TIAM1: variants seen among roughly 807,000 people sequenced by gnomAD.
The protein encoded by TIAM1 is rho guanine nucleotide exchange factor TIAM1.
In TIAM1, 65 loss-of-function variants were observed where a neutral mutation model predicts 163.5. The ratio of observed to expected loss-of-function variants is 0.40; its 90% CI spans 0.33 to 0.49. The LOEUF (loss-of-function observed/expected upper bound fraction) is 0.49. Among genes scored for constraint, TIAM1 ranks in the 20% least tolerant of loss-of-function variants. TIAM1 has a pLI of 0.77. For missense variants in TIAM1, 1,789 were observed against 2,044.7 expected, an observed-to-expected ratio of 0.87 and a Z score of 2.41; for synonymous variants, 833 against 810.1, an observed-to-expected ratio of 1.03 and a Z score of -0.48.
chr21:31,172,193 G>A (rs932546076), intron 15 of TIAM1, among the ~76,000 whole-genome samples: 6 of 152,170 alleles, frequency 3.9e-5, no homozygotes, highest in African/African-American at 1.4e-4. Flanking sequence ...CAGCATGGCA[G>A]GAAGAGGGAA....
At chr21:31,185,563 AATATATTATATATTAATATAATATATT>A (rs1456640119) in intron 14 of TIAM1, among the ~76,000 whole-genome samples, 1 of 131,038 alleles carries the variant, frequency 7.6e-6, no homozygotes, top group Non-Finnish European at 1.5e-5. Context: ...ATATTAATAT[AATATATTATATATTAATATAATATATT>A]ATATATCATA....
At chr21:31,272,622 C>T (rs542260721) in intron 3 of TIAM1, among the ~76,000 whole-genome samples, 2 of 152,182 alleles carry the variant, frequency 1.3e-5, no homozygotes, top group East Asian at 3.9e-4. Flanking sequence ...ATACAATTTC[C>T]TGTGAATCAT....
At chr21:31,172,342 TTTCCTACTCTAGC>T (rs2084553986) in intron 15 of TIAM1, among the ~76,000 whole-genome samples, 1 of 152,136 alleles carries the variant, frequency 6.6e-6, no homozygotes. Flanking sequence ...AGTTTTGCAA[TTTCCTACTCTAGC>T]TTCCCCTGTG....
rs149965027 is a variant in TIAM1 at position 31,153,929 on chromosome 21, T to C, written c.3171+318A>G. 7.0e-3 allele frequency among the ~76,000 whole-genome samples: 1,062 copies of C among 151,618 alleles called. 7 individuals carry two copies. Among genetic ancestry groups the C allele is most frequent in the African/African-American group, 0.019 (765 of 41,326 alleles). On this transcript the variant is annotated intron_variant, in intron 17 of 27. Coordinates refer to ENST00000541036, the MANE Select transcript of TIAM1 (RefSeq NM_001353694.2). Reference sequence around the variant, plus strand: ...AAACAGAAAACGGGGCTGGGCATGGTGGCATGCACCTGTGGTCCCAGCTAC... The same window carrying C: ...AAACAGAAAACGGGGCTGGGCATGGCGGCATGCACCTGTGGTCCCAGCTAC...
chr21:31,300,471 A>G (rs2074455395), intron 2 of TIAM1, among the ~76,000 whole-genome samples: 1 of 152,206 alleles, frequency 6.6e-6, no homozygotes, highest in Non-Finnish European at 1.5e-5. Context: ...TACAATGAAA[A>G]TACACAAACT....
intron 2 of TIAM1, among the ~76,000 whole-genome samples, chr21:31,430,363 T>C (rs1357046757): frequency 4.0e-5 from 6 of 150,892 alleles, no homozygotes; most frequent in Admixed American, 1.3e-4. Context: ...TTACCATACA[T>C]GCAAACAAGA....
intron 20 of TIAM1, among the ~76,000 whole-genome samples, chr21:31,142,908 GA>G (rs557126642): frequency 9.2e-5 from 14 of 152,258 alleles, no homozygotes; most frequent in African/African-American, 3.4e-4. Context: ...ACCCCAAACA[GA>G]GGTACCTGGC....
At chr21:31,217,817 C>T in intron 8 of TIAM1, 118 bp from the exon 9 acceptor site, 7 of 1,266,094 alleles carry the variant, frequency 5.5e-6, no homozygotes, top group Non-Finnish European at 7.6e-6. Context: ...GCCAGCCAAC[C>T]CTGACCCCAA....
chr21:31,336,488 C>CTTTTTTT (rs34052300), intron 2 of TIAM1, among the ~76,000 whole-genome samples: 1 of 125,470 alleles, frequency 8.0e-6, no homozygotes, highest in Non-Finnish European at 1.7e-5. Context: ...TTGCCCCTTG[C>CTTTTTTT]TTTTTTTTTT....
chr21:31,480,169 G>T (rs996291479), intron 1 of TIAM1, among the ~76,000 whole-genome samples: 14 of 152,194 alleles, frequency 9.2e-5, no homozygotes, highest in African/African-American at 3.4e-4. Context: ...ATGATAAAAG[G>T]TTCAGCCTCC....
chr21:31,246,019 A>C (rs113817757), intron 5 of TIAM1, among the ~76,000 whole-genome samples: 2 of 152,170 alleles, frequency 1.3e-5, no homozygotes, highest in African/African-American at 4.8e-5. Flanking sequence ...TTTGCCTGGC[A>C]CTATGTGAGG....
intron 2 of TIAM1, among the ~76,000 whole-genome samples, chr21:31,359,560 C>T (rs927210954): frequency 1.3e-5 from 2 of 151,780 alleles, no homozygotes; most frequent in African/African-American, 2.4e-5. Flanking sequence ...TTTGGGAGGC[C>T]GAGGCAGGAG....
intron 2 of TIAM1, among the ~76,000 whole-genome samples, chr21:31,384,130 C>T (rs2147180492): frequency 6.6e-6 from 1 of 152,192 alleles, no homozygotes; most frequent in East Asian, 1.9e-4. Context: ...TTCATAGATG[C>T]ACTTCCAGTC....
At chr21:31,182,321 G>T in intron 15 of TIAM1, 100 bp downstream of exon 15, 1 of 1,013,048 alleles carries the variant, frequency 9.9e-7, no homozygotes, top group Non-Finnish European at 1.4e-6. Context: ...CCACCTGCCA[G>T]ACAGAGGCAC....
chr21:31,536,969 G>A (rs1428560656), intron 1 of TIAM1, among the ~76,000 whole-genome samples: 1 of 152,238 alleles, frequency 6.6e-6, no homozygotes, highest in African/African-American at 2.4e-5. Context: ...AATCCAAAGT[G>A]TTGGCAGGAC....
chr21:31,154,466 T>C, intron 16 of TIAM1, 40 bp from the exon 17 acceptor site: 2 of 1,595,048 alleles, frequency 1.3e-6, no homozygotes, highest in Non-Finnish European at 8.6e-7. Flanking sequence ...GAGGTCATTA[T>C]CCCTCATTAG....
intron 1 of TIAM1, among the ~76,000 whole-genome samples, chr21:31,545,560 C>T (rs1421265009): frequency 2.0e-5 from 3 of 152,050 alleles, no homozygotes; most frequent in Non-Finnish European, 4.4e-5. Context: ...TGAGACACAA[C>T]CATGATTGGG....
chr21:31,190,854 C>A (rs1275624000), intron 13 of TIAM1, among the ~76,000 whole-genome samples: 1 of 152,150 alleles, frequency 6.6e-6, no homozygotes, highest in Admixed American at 6.5e-5. Context: ...CTAAAGTGTT[C>A]TAAAATAGAA....
intron 15 of TIAM1, among the ~76,000 whole-genome samples, chr21:31,168,858 AT>A (rs1357094644): frequency 1.3e-5 from 2 of 152,246 alleles, no homozygotes; most frequent in Non-Finnish European, 2.9e-5. Context: ...ATAATCCCAT[AT>A]TATAAAACAC....
Sources: gnomAD v4.1 joint callset for allele counts (sites outside exome capture counted in the v4.1 genomes callset) on GRCh38, gnomAD v4.1.1 for gene constraint, MANE v1.5 for transcripts, NCBI Gene and HGNC (gene_info 2026-07-23, HGNC 2026-07-21) for gene names.